ILKAP: variants seen among roughly 807,000 people sequenced by gnomAD.
ILKAP encodes integrin-linked kinase-associated serine/threonine phosphatase 2C.
In ILKAP, 11 loss-of-function variants were observed where a neutral mutation model predicts 49.1. The ratio of observed to expected loss-of-function variants is 0.22; its 90% CI spans 0.14 to 0.37. The LOEUF is 0.37. ILKAP is among the 10% of genes least tolerant of loss of function. The pLI is 1.00. For synonymous variants in ILKAP, 186 were observed against 192.8 expected, an observed-to-expected ratio of 0.96 and a Z score of 0.29; for missense variants, 363 against 510.8, an observed-to-expected ratio of 0.71 and a Z score of 2.79.
chr2:238,203,523 C>G lies in ILKAP; in HGVS notation c.31G>C (p.Glu11Gln), dbSNP rs1179273066. The G allele has an allele frequency of 1.6e-6, 2 of 1,235,530 alleles. No homozygotes were observed. The highest frequency in any genetic ancestry group is 2.0e-6 in the Non-Finnish European group (2 of 982,414). The allele number at this position is 1,235,530 out of a possible 1,614,324, so 76.5% of individuals were successfully genotyped here. A position where few individuals can be genotyped will look rare whatever the true frequency, so the allele number is the denominator to read the frequency against. The change falls in exon 1 of 12, where the codon GAG becomes CAG. Residue 11 changes from glutamate to glutamine, a missense_variant. Physicochemically the swap from Glu to Gln is conservative, Grantham distance 29. Transcript: ENST00000254654. MDLFGDLPEP[E>Q]RSPRPAAGKE... Reference sequence around the variant, plus strand: ...CCGGCAGCCGGGCGCGGCGAGCGCTCGGGCTCCGGCAGGTCCCCGAAGAGG... The same window carrying G: ...CCGGCAGCCGGGCGCGGCGAGCGCTGGGGCTCCGGCAGGTCCCCGAAGAGG...
rs1382518483 is a variant in ILKAP at position 238,170,665 on chromosome 2, G to A, written c.1050C>T (p.Ile350=). ...FILSCLEDEK[I]QTREGKSAAD... is the part of the protein sequence containing the mutation. ...CTGCGGACTTCCCTTCCCGGGTCTG[G>A]ATCTTTTCATCCTACCAGATGAGAA... The change falls in exon 12 of 12, where the codon ATC becomes ATT. Residue 350 remains isoleucine (I), a synonymous_variant. Coordinates refer to ENST00000254654, the MANE Select transcript of ILKAP (RefSeq NM_030768.3). 1 of 1,596,600 alleles carries A rather than the reference G, an allele frequency of 6.3e-7. No homozygotes were observed. Among genetic ancestry groups the A allele is most frequent in the Non-Finnish European group, 8.6e-7 (1 of 1,166,562 alleles).
In ILKAP at chr2:238,194,847, G is replaced by A. The variant is rs539165323; in HGVS notation, c.79C>T (p.Leu27=). The change falls in exon 2 of 12, where the codon CTG becomes TTG. Residue 27 remains leucine, a synonymous_variant. Coordinates refer to ENST00000254654, the MANE Select transcript of ILKAP (RefSeq NM_030768.3). ...GCCGGAGGGAGGTCATCAAAGAGCA[G>A]GGGTCCTTTCTGAGCTTCTTTCCCT... ...AAGKEAQKGP[L]LFDDLPPASS... is the part of the protein sequence containing the mutation. 204 of 1,614,096 alleles carry A rather than the reference G, an allele frequency of 1.3e-4. No individual in the cohort carries two copies. The Middle Eastern group carries it at 1.5e-3, about 12-fold the overall frequency.
At chr2:238,177,328 C>T (rs571832120) in intron 9 of ILKAP, among the ~76,000 whole-genome samples, 1 of 152,290 alleles carries the variant, frequency 6.6e-6, no homozygotes, top group East Asian at 1.9e-4. Context: ...GTAAAATATA[C>T]ATGACATTTA....
At chr2:238,186,031 G>A (rs1693895698) in intron 5 of ILKAP, 1 of 152,088 alleles carries the variant, frequency 6.6e-6, no homozygotes, top group Admixed American at 6.5e-5. Context: ...TATTTAAATC[G>A]GATTTGGTTT....
chr2:238,191,113 C>T (rs973317211), intron 3 of ILKAP, among the ~76,000 whole-genome samples: 7 of 151,970 alleles, frequency 4.6e-5, no homozygotes, highest in African/African-American at 1.4e-4. Flanking sequence ...AACCACTACA[C>T]CCGGCTAATT....
chr2:238,196,235 C>A (rs1349754950), intron 1 of ILKAP, among the ~76,000 whole-genome samples: 2 of 151,848 alleles, frequency 1.3e-5, no homozygotes, highest in Non-Finnish European at 2.9e-5. Flanking sequence ...AGATCACAGG[C>A]GCACACCACC....
At chr2:238,180,258 C>T (rs184348392) in intron 9 of ILKAP, among the ~76,000 whole-genome samples, 5 of 151,850 alleles carry the variant, frequency 3.3e-5, no homozygotes, top group Admixed American at 2.6e-4. Context: ...TGGTTTGAAA[C>T]AAAGATACTT....
chr2:238,183,871 T>C, intron 7 of ILKAP, 131 bp from the exon 8 acceptor site: 2 of 973,574 alleles, frequency 2.1e-6, no homozygotes, highest in Non-Finnish European at 3.1e-6. Flanking sequence ...TTTTTTTCTG[T>C]TTTAGATTTA....
intron 9 of ILKAP, among the ~76,000 whole-genome samples, chr2:238,177,435 A>G (rs1693509338): frequency 6.6e-6 from 1 of 152,130 alleles, no homozygotes; most frequent in African/African-American, 2.4e-5. Flanking sequence ...GACTTTTTCT[A>G]CCTTCCCAGA....
chr2:238,194,069 T>G (rs1393300409), intron 3 of ILKAP, among the ~76,000 whole-genome samples: 2 of 152,234 alleles, frequency 1.3e-5, no homozygotes, highest in Non-Finnish European at 2.9e-5. Flanking sequence ...AATCTGAACC[T>G]CAAGAAGTTA....
At chr2:238,194,982 C>G in intron 1 of ILKAP, 112 bp from the exon 2 acceptor site, 2 of 820,828 alleles carry the variant, frequency 2.4e-6, no homozygotes, top group Non-Finnish European at 4.0e-6. Context: ...CTATTAGATT[C>G]TAATTTTCTC....
chr2:238,185,065 T>G, intron 6 of ILKAP, 116 bp downstream of exon 6: 1 of 679,106 alleles, frequency 1.5e-6, no homozygotes, highest in South Asian at 1.8e-5. Context: ...ACCACTCTTT[T>G]AAGACTCATC....
At chr2:238,176,282 T>C (rs997618723) in intron 9 of ILKAP, among the ~76,000 whole-genome samples, 13 of 152,036 alleles carry the variant, frequency 8.6e-5, no homozygotes, top group African/African-American at 3.1e-4. Context: ...TACAGGTGCC[T>C]GCCACCGTGC....
At position 238,187,362 on chromosome 2, in the gene ILKAP, C is replaced by T. The variant is rs147038647; in HGVS notation, c.425+769G>A. 1.2e-4 allele frequency among the ~76,000 whole-genome samples: 18 copies of T among 152,304 alleles called. No individual in the cohort carries two copies. In the East Asian group the frequency reaches 3.1e-3, roughly 26 times the overall value. ...ACTGGACAAACGCCATCAGCCCAAA[C>T]GGCTCCAGCACACTGTATGTTAATG... On this transcript the variant is annotated intron_variant, in intron 5 of 11. Transcript: ENST00000254654.
At chr2:238,192,173 C>A (rs971105708) in intron 3 of ILKAP, among the ~76,000 whole-genome samples, 1 of 148,054 alleles carries the variant, frequency 6.8e-6, no homozygotes, top group Admixed American at 6.8e-5. Flanking sequence ...CAACACTGCA[C>A]TCCAGCCTGC....
chr2:238,188,493 G>A (rs770999294), intron 4 of ILKAP: 2 of 441,898 alleles, frequency 4.5e-6, no homozygotes, highest in South Asian at 3.1e-5. Flanking sequence ...CAAAAGAGGA[G>A]TCAGTGAGCA....
intron 9 of ILKAP, among the ~76,000 whole-genome samples, chr2:238,176,029 G>A (rs966880364): frequency 1.3e-5 from 2 of 151,562 alleles, no homozygotes; most frequent in African/African-American, 4.8e-5. Flanking sequence ...GGTTCTCCCC[G>A]TTGCCCAGTT....
At chr2:238,199,462 G>C (rs1473863680) in intron 1 of ILKAP, among the ~76,000 whole-genome samples, 2 of 152,274 alleles carry the variant, frequency 1.3e-5, no homozygotes, top group East Asian at 3.9e-4. Context: ...AAGGTAAATA[G>C]TTCCTCAGCA....
At chr2:238,180,601 G>A (rs1693650131) in intron 9 of ILKAP, among the ~76,000 whole-genome samples, 1 of 145,298 alleles carries the variant, frequency 6.9e-6, no homozygotes, top group African/African-American at 2.5e-5. Flanking sequence ...GCCTCAGGCA[G>A]GAGAACAGAC....
Sources: allele counts gnomAD v4.1 joint callset (sites outside exome capture counted in the v4.1 genomes callset), GRCh38; gene constraint gnomAD v4.1.1; transcripts MANE v1.5; gene names NCBI Gene and HGNC (gene_info 2026-07-23, HGNC 2026-07-21).